TBC1D22A: variants seen among roughly 807,000 people sequenced by gnomAD.
TBC1D22A encodes the protein TBC1 domain family member 22A, also known as putative GTPase activator.
In TBC1D22A, 38 loss-of-function variants were observed where a neutral mutation model predicts 60.2. That is an observed-to-expected ratio of 0.63 (90% CI 0.49 to 0.83). The LOEUF is 0.83. Among genes scored for constraint, TBC1D22A ranks in the 40% least tolerant of loss-of-function variants. TBC1D22A has a pLI of 0.00. For missense variants in TBC1D22A, 628 were observed against 701.0 expected, an observed-to-expected ratio of 0.90 and a Z score of 1.18; for synonymous variants, 302 against 281.7, an observed-to-expected ratio of 1.07 and a Z score of -0.72.
intron 4 of TBC1D22A, among the ~76,000 whole-genome samples, chr22:46,829,955 A>T (rs921887187): frequency 6.6e-6 from 1 of 152,244 alleles, no homozygotes; most frequent in Admixed American, 6.5e-5. Context: ...GGCACCATGA[A>T]AGGAGCAGGG....
At chr22:46,897,259 A>G (rs1433420872) in intron 7 of TBC1D22A, among the ~76,000 whole-genome samples, 1 of 152,026 alleles carries the variant, frequency 6.6e-6, no homozygotes, top group Non-Finnish European at 1.5e-5. Flanking sequence ...TGGTAACTGG[A>G]TTTTCTGGGG....
chr22:47,010,993 G>C (rs2061737960), intron 10 of TBC1D22A, among the ~76,000 whole-genome samples: 1 of 152,210 alleles, frequency 6.6e-6, no homozygotes, highest in African/African-American at 2.4e-5. Flanking sequence ...TGCCTGCAGT[G>C]TACTGGGCAC....
At chr22:46,821,594 T>C (rs563122854) in intron 4 of TBC1D22A, among the ~76,000 whole-genome samples, 84 of 152,336 alleles carry the variant, frequency 5.5e-4, no homozygotes, top group African/African-American at 1.9e-3. Flanking sequence ...TTCTAGCTTG[T>C]AGAGTTTATG....
intron 8 of TBC1D22A, among the ~76,000 whole-genome samples, chr22:46,962,838 C>T (rs1200613850): frequency 1.3e-5 from 2 of 152,180 alleles, no homozygotes; most frequent in Non-Finnish European, 2.9e-5. Flanking sequence ...CTGTGTTTTA[C>T]ATAACGTATC....
At chr22:47,098,179 A>G (rs2065257832) in intron 11 of TBC1D22A, among the ~76,000 whole-genome samples, 1 of 152,146 alleles carries the variant, frequency 6.6e-6, no homozygotes. Flanking sequence ...CTCTTCCGTG[A>G]AATGTTTTTC....
chr22:47,098,584 C>T (rs563549491), intron 11 of TBC1D22A, among the ~76,000 whole-genome samples: 13 of 152,064 alleles, frequency 8.5e-5, no homozygotes, highest in Non-Finnish European at 1.9e-4. Context: ...CCAGGTTGCC[C>T]TGGGGAAGGG....
At chr22:46,944,538 A>G (rs1488640136) in intron 8 of TBC1D22A, among the ~76,000 whole-genome samples, 2 of 152,130 alleles carry the variant, frequency 1.3e-5, no homozygotes, top group Non-Finnish European at 2.9e-5. Flanking sequence ...AGCTGGGACT[A>G]CAGGCGCCCG....
chr22:47,146,065 C>A (rs115757699), intron 12 of TBC1D22A, among the ~76,000 whole-genome samples: 11 of 148,768 alleles, frequency 7.4e-5, no homozygotes, highest in African/African-American at 2.8e-4. Flanking sequence ...TGGCCTGTCC[C>A]GTGCTGTTCC....
chr22:46,850,777 C>CA (rs1178359804), intron 4 of TBC1D22A, among the ~76,000 whole-genome samples: 1 of 151,484 alleles, frequency 6.6e-6, no homozygotes, highest in East Asian at 1.9e-4. Context: ...CCATAATAGC[C>CA]AAAAAAGGGG....
At chr22:47,131,191 A>G (rs1362739807) in intron 12 of TBC1D22A, among the ~76,000 whole-genome samples, 4 of 152,162 alleles carry the variant, frequency 2.6e-5, no homozygotes, top group African/African-American at 9.7e-5. Flanking sequence ...CACTGCCAAC[A>G]CCAGCTGTCA....
chr22:46,862,286 A>T (rs919402671), intron 4 of TBC1D22A, among the ~76,000 whole-genome samples: 5 of 152,168 alleles, frequency 3.3e-5, no homozygotes, highest in Non-Finnish European at 7.4e-5. Flanking sequence ...GCCCTCACGA[A>T]GTGGGTCCTC....
chr22:47,055,497 G>A (rs1403836853), intron 11 of TBC1D22A, among the ~76,000 whole-genome samples: 2 of 152,208 alleles, frequency 1.3e-5, no homozygotes, highest in Admixed American at 1.3e-4. Context: ...TTGATTAGGG[G>A]TATGTACATT....
At chr22:47,143,974 G>A (rs568750323) in intron 12 of TBC1D22A, among the ~76,000 whole-genome samples, 1 of 152,190 alleles carries the variant, frequency 6.6e-6, no homozygotes, top group Non-Finnish European at 1.5e-5. Flanking sequence ...TGGCCGTGGT[G>A]CCTGGCCACA....
At chr22:46,865,736 C>T (rs780568738) in intron 4 of TBC1D22A, among the ~76,000 whole-genome samples, 15 of 152,150 alleles carry the variant, frequency 9.9e-5, no homozygotes, top group Non-Finnish European at 2.1e-4. Flanking sequence ...TCCCCCAATG[C>T]CCCCCCATGG....
intron 7 of TBC1D22A, among the ~76,000 whole-genome samples, chr22:46,908,439 C>G (rs1014291902): frequency 2.0e-5 from 3 of 152,196 alleles, no homozygotes; most frequent in Non-Finnish European, 4.4e-5. Flanking sequence ...TTCACCGTTG[C>G]AGCCTGCTTG....
At chr22:46,878,505 A>G (rs2067684382) in intron 4 of TBC1D22A, 148 bp from the exon 5 acceptor site, 1 of 681,840 alleles carries the variant, frequency 1.5e-6, no homozygotes, top group Non-Finnish European at 2.6e-6. Context: ...ATTGAAATCA[A>G]TCGTATCTGA....
chr22:46,911,144 C>T (rs1406939537), intron 7 of TBC1D22A, among the ~76,000 whole-genome samples: 1 of 152,018 alleles, frequency 6.6e-6, no homozygotes, highest in Admixed American at 6.5e-5. Context: ...TGAAACCCTC[C>T]TTATGAGTGA....
intron 11 of TBC1D22A, among the ~76,000 whole-genome samples, chr22:47,106,368 A>G (rs1168599353): frequency 6.6e-6 from 1 of 152,202 alleles, no homozygotes; most frequent in Non-Finnish European, 1.5e-5. Flanking sequence ...AAACCGCAAA[A>G]CATCCAAGAC....
At chr22:47,056,343 G>T (rs1289952938) in intron 11 of TBC1D22A, among the ~76,000 whole-genome samples, 5 of 152,084 alleles carry the variant, frequency 3.3e-5, no homozygotes, top group African/African-American at 4.8e-5. Context: ...CAGCGTTTGA[G>T]TTTGAGTTGG....
Sources: gnomAD v4.1 joint callset for allele counts (sites outside exome capture counted in the v4.1 genomes callset) on GRCh38, gnomAD v4.1.1 for gene constraint, MANE v1.5 for transcripts, NCBI Gene and HGNC (gene_info 2026-07-23, HGNC 2026-07-21) for gene names.